Variants in CACNA1D observed in about 807,000 individuals in gnomAD.
The protein encoded by CACNA1D is voltage-dependent L-type calcium channel subunit alpha-1D.
A neutral mutation model predicts 257.1 loss-of-function variants in CACNA1D; 55 were observed. The ratio of observed to expected loss-of-function variants is 0.21; its 90% CI spans 0.17 to 0.27. The LOEUF is 0.27. Ranked by LOEUF, CACNA1D falls within the 10% of genes least tolerant of loss-of-function variation. The pLI, the probability that CACNA1D is intolerant of heterozygous loss-of-function variation, is 1.00. For missense variants in CACNA1D, 1,876 were observed against 2,784.0 expected (o/e 0.67, Z 7.34); for synonymous variants, 980 against 1,014.9 (o/e 0.97, Z 0.65).
At chr3:53,503,241 A>G (rs941750538) in intron 3 of CACNA1D, among the ~76,000 whole-genome samples, 1 of 152,242 alleles carries the variant, frequency 6.6e-6, no homozygotes, top group Non-Finnish European at 1.5e-5. Flanking sequence ...GGATAACCAC[A>G]TAAACACTGG....
At position 53,809,967 on chromosome 3, in the gene CACNA1D, T is replaced by C; in HGVS notation, c.5872-11T>C. 6.2e-7 allele frequency: 1 copy of C among 1,613,664 alleles called. No individual in the cohort carries two copies. The highest frequency in any genetic ancestry group is 8.5e-7 in the Non-Finnish European group (1 of 1,179,680). On this transcript the variant is annotated splice_polypyrimidine_tract_variant and intron_variant, in intron 46 of 47. Coordinates refer to ENST00000350061, the MANE Select transcript of CACNA1D (RefSeq NM_001128840.3). ...AACCTCTGGTCTCCCAACAGTCCCC[T>C]CTTTCCTCAGATCATGGCAGTTGCC...
chr3:53,572,470 G>C (rs1291845141), intron 3 of CACNA1D, among the ~76,000 whole-genome samples: 1 of 151,960 alleles, frequency 6.6e-6, no homozygotes, highest in Non-Finnish European at 1.5e-5. Flanking sequence ...CACGATCTTG[G>C]CTCACTGCAG....
rs116292592 is a variant in CACNA1D at position 53,641,899 on chromosome 3, G to A, written c.484-8880G>A. On this transcript the variant is annotated intron_variant, in intron 3 of 47. Transcript: ENST00000350061. The stretch of plus-strand genomic sequence containing the variant: ...AGTCATCAAAGATGTTGTCTCTTGA[G>A]AAATGAGGAGCTACTGAAGATTCTC... Among the ~76,000 whole-genome samples, 653 of 152,290 alleles carry A rather than the reference G, an allele frequency of 4.3e-3. 7 individuals carry two copies. The highest frequency in any genetic ancestry group is 0.015 in the African/African-American group (629 of 41,544).
intron 3 of CACNA1D, among the ~76,000 whole-genome samples, chr3:53,650,498 C>G (rs1576231858): frequency 6.6e-6 from 1 of 152,234 alleles, no homozygotes; most frequent in Non-Finnish European, 1.5e-5. Context: ...ATGTCCTAGG[C>G]AGACTCATCA....
intron 9 of CACNA1D, among the ~76,000 whole-genome samples, chr3:53,717,080 G>C (rs1466867264): frequency 6.6e-6 from 1 of 152,234 alleles, no homozygotes; most frequent in African/African-American, 2.4e-5. Context: ...CCTTGCTAAG[G>C]GGAGCCACAC....
chr3:53,742,832 C>A (rs1228071632), intron 21 of CACNA1D, among the ~76,000 whole-genome samples, 179 bp from the exon 22 acceptor site: 11 of 152,168 alleles, frequency 7.2e-5, no homozygotes, highest in Non-Finnish European at 8.8e-5. Flanking sequence ...ATAAGCTGCC[C>A]CTTTTTGATT....
At chr3:53,623,151 G>C (rs1484443871) in intron 3 of CACNA1D, among the ~76,000 whole-genome samples, 2 of 152,258 alleles carry the variant, frequency 1.3e-5, no homozygotes, top group Non-Finnish European at 2.9e-5. Context: ...GCCTTCCGAA[G>C]TGCTGGGATT....
chr3:53,745,476 A>G (rs2095159454), intron 23 of CACNA1D, 148 bp from the exon 24 acceptor site: 2 of 623,772 alleles, frequency 3.2e-6, no homozygotes, highest in African/African-American at 3.6e-5. Flanking sequence ...CCTGACCTCA[A>G]GTGATCTGCC....
intron 45 of CACNA1D, among the ~76,000 whole-genome samples, chr3:53,805,915 C>T (rs1287433648): frequency 8.2e-6 from 1 of 121,756 alleles, no homozygotes; most frequent in African/African-American, 3.2e-5. Flanking sequence ...TCATCTTCTC[C>T]TGCTCCCTCA....
At chr3:53,695,754 A>G (rs1373499392) in intron 8 of CACNA1D, among the ~76,000 whole-genome samples, 1 of 152,180 alleles carries the variant, frequency 6.6e-6, no homozygotes, top group Non-Finnish European at 1.5e-5. Context: ...CCCATCACCC[A>G]GTGCTTACTG....
chr3:53,678,368 T>C (rs2094395994), intron 8 of CACNA1D, among the ~76,000 whole-genome samples: 1 of 152,198 alleles, frequency 6.6e-6, no homozygotes, highest in East Asian at 1.9e-4. Context: ...GACATAAAAT[T>C]GAATGTAAAC....
At chr3:53,553,626 C>T (rs371115340) in intron 3 of CACNA1D, among the ~76,000 whole-genome samples, 1 of 152,078 alleles carries the variant, frequency 6.6e-6, no homozygotes. Context: ...GTAACCAGAA[C>T]CATTTTCTTT....
chr3:53,706,299 G>A (rs185842565), intron 9 of CACNA1D, among the ~76,000 whole-genome samples: 1 of 152,326 alleles, frequency 6.6e-6, no homozygotes, highest in African/African-American at 2.4e-5. Context: ...ATGAGCAGAA[G>A]TGGGTGTAGG....
At chr3:53,714,936 A>G (rs1011516374) in intron 9 of CACNA1D, among the ~76,000 whole-genome samples, 4 of 150,592 alleles carry the variant, frequency 2.7e-5, no homozygotes, top group Non-Finnish European at 5.9e-5. Context: ...AACATTAAAA[A>G]AATGAATGCC....
intron 3 of CACNA1D, among the ~76,000 whole-genome samples, chr3:53,628,165 C>T (rs765092238): frequency 6.6e-6 from 1 of 152,164 alleles, no homozygotes; most frequent in Non-Finnish European, 1.5e-5. Context: ...TTATCATAAC[C>T]CACACTACTA....
intron 3 of CACNA1D, among the ~76,000 whole-genome samples, chr3:53,549,127 A>G (rs959523459): frequency 5.9e-5 from 9 of 152,220 alleles, no homozygotes; most frequent in African/African-American, 2.2e-4. Context: ...TGCAAATTAA[A>G]TCACAATGCA....
At chr3:53,725,524 G>A (rs920928797) in intron 14 of CACNA1D, among the ~76,000 whole-genome samples, 6 of 152,110 alleles carry the variant, frequency 3.9e-5, no homozygotes, top group Non-Finnish European at 5.9e-5. Context: ...GTTGACACAC[G>A]TGCCCAAGTG....
intron 8 of CACNA1D, among the ~76,000 whole-genome samples, chr3:53,699,630 G>C (rs577165907): frequency 1.3e-5 from 2 of 152,310 alleles, no homozygotes; most frequent in East Asian, 3.9e-4. Flanking sequence ...CCTCCATCCT[G>C]CCCTGTGGCC....
chr3:53,809,058 A>G (rs1184329789), intron 46 of CACNA1D: 1 of 453,138 alleles, frequency 2.2e-6, no homozygotes, highest in Non-Finnish European at 4.1e-6. Flanking sequence ...TCTTCCTGGC[A>G]TTGAATACAG....
Sources: allele counts gnomAD v4.1 joint callset (sites outside exome capture counted in the v4.1 genomes callset), GRCh38; gene constraint gnomAD v4.1.1; transcripts MANE v1.5; gene names NCBI Gene and HGNC (gene_info 2026-07-23, HGNC 2026-07-21).